PPM1L: variants seen among roughly 807,000 people sequenced by gnomAD.
PPM1L encodes the protein protein phosphatase, Mg2+/Mn2+ dependent 1L, also known as protein phosphatase 1L.
A neutral mutation model predicts 31.4 loss-of-function variants in PPM1L; 13 were observed. The ratio of observed to expected loss-of-function variants is 0.41; its 90% CI spans 0.27 to 0.66. The LOEUF (loss-of-function observed/expected upper bound fraction) is 0.66, where lower values mean the gene tolerates loss of function less well. PPM1L is among the 30% of genes least tolerant of loss of function. The probability of loss-of-function intolerance (pLI) is 0.29; values close to 1 mark genes in which losing one functional copy is unlikely to be tolerated. For synonymous variants in PPM1L, 184 were observed against 175.4 expected (o/e 1.05, Z -0.39); for missense variants, 326 against 453.7 (o/e 0.72, Z 2.56).
intron 2 of PPM1L, among the ~76,000 whole-genome samples, chr3:160,984,980 C>A (rs542679206): frequency 6.6e-6 from 1 of 152,064 alleles, no homozygotes; most frequent in Non-Finnish European, 1.5e-5. Flanking sequence ...CTATAATGCA[C>A]AGGACAGCCC....
chr3:160,960,114 G>GA (rs942944066), intron 1 of PPM1L, among the ~76,000 whole-genome samples: 4 of 151,412 alleles, frequency 2.6e-5, no homozygotes, highest in African/African-American at 9.7e-5. Context: ...CTCTATAAAT[G>GA]AAAAAAACTG....
chr3:160,977,438 G>A lies in PPM1L; in HGVS notation c.574+15528G>A, dbSNP rs190612813. 1.1e-4 allele frequency among the ~76,000 whole-genome samples: 16 copies of A among 152,312 alleles called. No homozygotes were observed. In the East Asian group the frequency reaches 3.1e-3, roughly 29 times the overall value. On this transcript the variant is annotated intron_variant, in intron 2 of 3. Coordinates refer to ENST00000498165, the MANE Select transcript of PPM1L (RefSeq NM_139245.4). ...ATGGGTAAAGACAGATGAGTTAGAAGTCTGCTTCCTTCGAATTTATTGCTA... is the reference window on the plus strand; with the variant it reads ...ATGGGTAAAGACAGATGAGTTAGAAATCTGCTTCCTTCGAATTTATTGCTA...
intron 1 of PPM1L, among the ~76,000 whole-genome samples, chr3:160,903,759 G>C (rs1713646779): frequency 6.6e-6 from 1 of 151,996 alleles, no homozygotes; most frequent in Non-Finnish European, 1.5e-5. Flanking sequence ...GGATAAAGGT[G>C]GATAAGTTAT....
intron 1 of PPM1L, among the ~76,000 whole-genome samples, chr3:160,948,502 A>G (rs951441312): frequency 4.6e-5 from 7 of 152,156 alleles, no homozygotes; most frequent in Non-Finnish European, 8.8e-5. Context: ...GGGATGGTCA[A>G]GAGGAAATCA....
At chr3:160,917,314 A>G (rs937641585) in intron 1 of PPM1L, among the ~76,000 whole-genome samples, 2 of 152,222 alleles carry the variant, frequency 1.3e-5, no homozygotes, top group African/African-American at 2.4e-5. Flanking sequence ...TATTCTAGCT[A>G]GTTATATAGA....
intron 1 of PPM1L, among the ~76,000 whole-genome samples, chr3:160,778,625 G>T (rs1191231047): frequency 6.6e-6 from 1 of 152,206 alleles, no homozygotes; most frequent in Non-Finnish European, 1.5e-5. Context: ...AGAACTGAGA[G>T]ACCTGTCCCA....
chr3:160,879,040 G>A (rs986263319), intron 1 of PPM1L, among the ~76,000 whole-genome samples: 4 of 152,194 alleles, frequency 2.6e-5, no homozygotes, highest in Admixed American at 6.5e-5. Context: ...AGGACACCTT[G>A]TGTGCAAGGA....
chr3:160,825,539 C>T (rs1370875847), intron 1 of PPM1L, among the ~76,000 whole-genome samples: 3 of 152,144 alleles, frequency 2.0e-5, no homozygotes, highest in East Asian at 3.9e-4. Flanking sequence ...TTGTTACCTC[C>T]CGCATGTTAA....
chr3:160,939,193 T>G (rs1018689812), intron 1 of PPM1L, among the ~76,000 whole-genome samples: 10 of 152,198 alleles, frequency 6.6e-5, no homozygotes, highest in Admixed American at 4.6e-4. Flanking sequence ...CAGCCTGCTG[T>G]TAGTTCTGAT....
intron 2 of PPM1L, among the ~76,000 whole-genome samples, chr3:161,034,139 A>T (rs895044908): frequency 2.0e-5 from 3 of 152,230 alleles, no homozygotes; most frequent in African/African-American, 7.2e-5. Flanking sequence ...CAAAACCACA[A>T]TGAGATACTA....
chr3:160,951,651 T>C (rs1269289618), intron 1 of PPM1L, among the ~76,000 whole-genome samples: 1 of 152,196 alleles, frequency 6.6e-6, no homozygotes, highest in African/African-American at 2.4e-5. Flanking sequence ...TGCTACCACA[T>C]GAATATAGTG....
At chr3:160,801,457 C>A (rs1319241458) in intron 1 of PPM1L, among the ~76,000 whole-genome samples, 1 of 152,190 alleles carries the variant, frequency 6.6e-6, no homozygotes, top group Non-Finnish European at 1.5e-5. Flanking sequence ...GACTACCAGT[C>A]CATGGCCAGT....
intron 1 of PPM1L, among the ~76,000 whole-genome samples, chr3:160,760,746 G>T (rs1327113859): frequency 6.6e-6 from 1 of 150,412 alleles, no homozygotes; most frequent in Non-Finnish European, 1.5e-5. Flanking sequence ...ATACCATCTA[G>T]AAGAAATATC....
chr3:160,765,328 T>C (rs1715077773), intron 1 of PPM1L, among the ~76,000 whole-genome samples: 1 of 152,210 alleles, frequency 6.6e-6, no homozygotes, highest in African/African-American at 2.4e-5. Flanking sequence ...TCTCCTAATT[T>C]GGTCAATGAA....
intron 1 of PPM1L, among the ~76,000 whole-genome samples, chr3:160,809,063 C>T (rs907813354): frequency 2.0e-5 from 3 of 152,178 alleles, no homozygotes; most frequent in African/African-American, 7.2e-5. Flanking sequence ...TGTCACTGTG[C>T]CTGGCACCAG....
At chr3:160,841,767 G>A (rs770535560) in intron 1 of PPM1L, among the ~76,000 whole-genome samples, 11 of 152,076 alleles carry the variant, frequency 7.2e-5, no homozygotes, top group Non-Finnish European at 1.5e-4. Context: ...AACACATAAG[G>A]ACTTCTTTGT....
intron 1 of PPM1L, among the ~76,000 whole-genome samples, chr3:160,835,044 T>TTCTTCC (rs796508861): frequency 1.5e-5 from 2 of 129,144 alleles, no homozygotes; most frequent in African/African-American, 2.9e-5. Flanking sequence ...CTACTACTTC[T>TTCTTCC]TCTTCTTCTT....
intron 2 of PPM1L, among the ~76,000 whole-genome samples, chr3:160,993,410 A>G (rs1039130879): frequency 6.6e-6 from 1 of 152,198 alleles, no homozygotes; most frequent in Admixed American, 6.5e-5. Context: ...GAAGTCAGGT[A>G]AGAAAACATG....
rs73158224 is a variant in PPM1L, at chr3:160,968,981, G to A, written c.574+7071G>A. Reference sequence around the variant, plus strand: ...CACATGCTTCTGCAATGTGGAAAATGCACTTACGCGTAGAAAGTGAACCAG... The same window carrying A: ...CACATGCTTCTGCAATGTGGAAAATACACTTACGCGTAGAAAGTGAACCAG... On this transcript the variant is annotated intron_variant, in intron 2 of 3. Transcript: ENST00000498165. 4.2e-3 allele frequency among the ~76,000 whole-genome samples: 641 copies of A among 152,310 alleles called. 3 individuals carry two copies. The highest frequency in any genetic ancestry group is 0.034 in the Middle Eastern group (10 of 294).
Sources: gnomAD v4.1 joint callset for allele counts (sites outside exome capture counted in the v4.1 genomes callset) on GRCh38, gnomAD v4.1.1 for gene constraint, MANE v1.5 for transcripts, NCBI Gene and HGNC (gene_info 2026-07-23, HGNC 2026-07-21) for gene names.